TMEM106C: variants seen among roughly 807,000 people sequenced by gnomAD.
TMEM106C encodes transmembrane protein 106C.
A neutral mutation model predicts 30.8 loss-of-function variants in TMEM106C; 27 were observed. That is an observed-to-expected ratio of 0.88 (90% CI 0.65 to 1.21). The LOEUF is 1.21. Ranked by LOEUF, TMEM106C falls within the 50% of genes most tolerant of loss-of-function variation. TMEM106C has a pLI of 0.00. For synonymous variants in TMEM106C, 123 were observed against 118.8 expected (o/e 1.04, Z -0.23); for missense variants, 288 against 307.8 (o/e 0.94, Z 0.48).
intron 3 of TMEM106C, 191 bp from the exon 4 acceptor site, chr12:47,965,647 G>C (rs1452509376): frequency 1.3e-6 from 1 of 760,084 alleles, no homozygotes; most frequent in Non-Finnish European, 2.2e-6. Context: ...TTTCTTCCCA[G>C]AGTGCAAACA....
At position 47,968,262 on chromosome 12, in the gene TMEM106C, T is replaced by C. The variant is rs779244004; in HGVS notation, c.*33T>C. The C allele has an allele frequency of 3.9e-6, 6 of 1,520,470 alleles. No homozygotes were observed. Among genetic ancestry groups the C allele is most frequent in the African/African-American group, 1.4e-5 (1 of 73,070 alleles). 94.2% of individuals were successfully genotyped at this position (1,520,470 alleles called of 1,614,324 possible). ...TATTGGTTCTTCCACACAGCGCCTG[T>C]AGAAGAGAGCACAGCATATGTTCCC... On this transcript the variant is annotated 3_prime_UTR_variant, in exon 8 of 8. Coordinates refer to ENST00000429772, the MANE Select transcript of TMEM106C (RefSeq NM_001143842.2).
chr12:47,965,824 T>A lies in TMEM106C; in HGVS notation c.252-14T>A, dbSNP rs1938199068. On this transcript the variant is annotated splice_polypyrimidine_tract_variant and intron_variant, in intron 3 of 7. Coordinates refer to ENST00000429772, the MANE Select transcript of TMEM106C (RefSeq NM_001143842.2). ...CTGACTGCCTGGGTCGGTCATGTGC[T>A]GTGTCATTTGCAGTAAGCAATATGT... 1.9e-6 allele frequency: 3 copies of A among 1,614,114 alleles called. No individual in the cohort carries two copies. Among genetic ancestry groups the A allele is most frequent in the Non-Finnish European group, 2.5e-6 (3 of 1,179,956 alleles).
chr12:47,965,786 T>G (rs1037165159), intron 3 of TMEM106C, 52 bp from the exon 4 acceptor site: 3 of 1,603,574 alleles, frequency 1.9e-6, no homozygotes, highest in Admixed American at 3.4e-5. Flanking sequence ...CTTGACACAT[T>G]GAACCTTGAT....
intron 2 of TMEM106C, 127 bp downstream of exon 2, chr12:47,964,550 G>A (rs1938157919): frequency 2.4e-6 from 2 of 818,632 alleles, no homozygotes; most frequent in South Asian, 3.2e-5. Context: ...ACAGGAGCCA[G>A]CTCAACTGAC....
intron 5 of TMEM106C, 32 bp downstream of exon 5, chr12:47,966,261 A>G (rs1193169500): frequency 1.2e-6 from 2 of 1,611,578 alleles, no homozygotes; most frequent in South Asian, 2.2e-5. Flanking sequence ...CTTGCCCCAC[A>G]GGCCTAAGAG....
rs369092568 is a variant in TMEM106C, at chr12:47,966,718, G to A, written c.588G>A (p.Pro196=). The A allele has an allele frequency of 9.4e-5, 151 of 1,614,004 alleles. No homozygotes were observed. Among genetic ancestry groups the A allele is most frequent in the Middle Eastern group, 4.9e-4 (3 of 6,082 alleles). Residue 196 remains proline, a synonymous_variant, in exon 6 of 8, where the codon CCG becomes CCA. Transcript: ENST00000429772. ...CCGGGAAGGCCGAGATGGGAGGACC[G>A]TTTTCCTATGTGTAGTAAGGACACT... The part of the protein sequence containing the change: ...NFTGKAEMGG[P]FSYVYFFCTV...
chr12:47,964,698 G>A lies in TMEM106C; in HGVS notation c.187+275G>A, dbSNP rs1279683013. On this transcript the variant is annotated intron_variant, in intron 2 of 7. Transcript: ENST00000429772. ...CTCTGTGTTGTGGGATTTGTTGACA[G>A]GCACATTTCTTTATCGCTGTCACAA... is the stretch of plus-strand genomic sequence containing the variant. 2.0e-5 allele frequency: 9 copies of A among 451,114 alleles called. No homozygotes were observed. The South Asian group carries it at 2.1e-4, about 11-fold the overall frequency. The allele number at this position is 451,114 out of a possible 1,614,324, so 27.9% of individuals were successfully genotyped here.
chr12:47,966,144 C>T lies in TMEM106C; in HGVS notation c.467C>T (p.Ser156Phe), dbSNP rs1938215400. The T allele has an allele frequency of 6.2e-7, 1 of 1,614,186 alleles. No homozygotes were observed. The highest frequency in any genetic ancestry group is 8.5e-7 in the Non-Finnish European group (1 of 1,180,032). ...NFYTVAVTSL[S>F]SQIQYMNTVV... Reference sequence around the variant, plus strand: ...TACACGGTGGCAGTGACCAGCCTGTCCAGCCAGATTCAGTACATGAACACA... The same window carrying T: ...TACACGGTGGCAGTGACCAGCCTGTTCAGCCAGATTCAGTACATGAACACA... Residue 156 changes from serine to phenylalanine, a missense_variant, in exon 5 of 8, where the codon TCC becomes TTC. Ser to Phe is a radical substitution (Grantham distance 155, BLOSUM62 -2). Coordinates refer to ENST00000429772, the MANE Select transcript of TMEM106C (RefSeq NM_001143842.2).
At chr12:47,966,812 G>A in intron 6 of TMEM106C, 80 bp downstream of exon 6, 1 of 1,512,780 alleles carries the variant, frequency 6.6e-7, no homozygotes, top group Non-Finnish European at 9.2e-7. Context: ...TTGGGGCCTG[G>A]TCCTGCCTTA....
chr12:47,968,135 C>T lies in TMEM106C; in HGVS notation c.659C>T (p.Thr220Ile), dbSNP rs767108778. ...LVHNIVIFMR[T>I]SVKISYIGLM... ...CTTCTTGGTTTTCTTTTCCCTAGAA[C>T]TTCAGTGAAGATTTCATACATTGGC... is the stretch of plus-strand genomic sequence containing the variant. Residue 220 changes from threonine to isoleucine, a missense_variant and splice_region_variant, in exon 8 of 8, where the codon ACT becomes ATT. Thr to Ile is a moderately conservative substitution (Grantham distance 89, BLOSUM62 -1). Coordinates refer to ENST00000429772, the MANE Select transcript of TMEM106C (RefSeq NM_001143842.2). 3 of 1,611,270 alleles carry T rather than the reference C, an allele frequency of 1.9e-6. No individual in the cohort carries two copies. The highest frequency in any genetic ancestry group is 2.5e-6 in the Non-Finnish European group (3 of 1,177,396).
chr12:47,963,845 A>G (rs540539235), intron 1 of TMEM106C, 141 bp downstream of exon 1: 4 of 267,034 alleles, frequency 1.5e-5, no homozygotes, highest in East Asian at 1.1e-4. Context: ...CCGGTTATCA[A>G]TTTGGTGCCT....
At chr12:47,964,041 G>A in intron 1 of TMEM106C, 168 bp from the exon 2 acceptor site, 2 of 615,176 alleles carry the variant, frequency 3.3e-6, no homozygotes, top group South Asian at 3.9e-5. Context: ...GAGGAGAGTG[G>A]GTAGCACTAC....
At position 47,968,333 on chromosome 12, in the gene TMEM106C, G is replaced by C. The variant is rs772701706; in HGVS notation, c.*104G>C. Reference sequence around the variant, plus strand: ...ACCCCCACGTGGTGTAAGCAGAGGAGGAATTGGTTCACTTAACTCCCAGCA... The same window carrying C: ...ACCCCCACGTGGTGTAAGCAGAGGACGAATTGGTTCACTTAACTCCCAGCA... On this transcript the variant is annotated 3_prime_UTR_variant, in exon 8 of 8. Coordinates refer to ENST00000429772, the MANE Select transcript of TMEM106C (RefSeq NM_001143842.2). The C allele has an allele frequency of 2.2e-5, 20 of 894,488 alleles. No homozygotes were observed. The highest frequency in any genetic ancestry group is 3.5e-5 in the Non-Finnish European group (19 of 545,942). The allele number at this position is 894,488 out of a possible 1,614,324, so 55.4% of individuals were successfully genotyped here.
chr12:47,964,462 G>A lies in TMEM106C; in HGVS notation c.187+39G>A, dbSNP rs567313283. On this transcript the variant is annotated intron_variant, in intron 2 of 7. Coordinates refer to ENST00000429772, the MANE Select transcript of TMEM106C (RefSeq NM_001143842.2). ...GATGATTCCCTGATGAGAATCCCAAGGTACCCTCGGAGTTCTCCTGTCTGC... is the reference window on the plus strand; with the variant it reads ...GATGATTCCCTGATGAGAATCCCAAAGTACCCTCGGAGTTCTCCTGTCTGC... 157 of 1,602,770 alleles carry A rather than the reference G, an allele frequency of 9.8e-5. 1 individual carries two copies. In the South Asian group the frequency reaches 1.6e-3, roughly 17 times the overall value.
intron 1 of TMEM106C, chr12:47,963,995 CCCT>C: frequency 3.6e-6 from 2 of 549,174 alleles, no homozygotes; most frequent in Non-Finnish European, 6.5e-6. Flanking sequence ...GCCCCGTTCC[CCCT>C]CCCCACCCCC....
In TMEM106C at chr12:47,965,616, A is replaced by C. The variant is rs562050086; in HGVS notation, c.252-222A>C. 5 of 697,352 alleles carry C rather than the reference A, an allele frequency of 7.2e-6. 1 individual carries two copies. The South Asian group carries it at 8.9e-5, about 12-fold the overall frequency. The allele number at this position is 697,352 out of a possible 1,614,324, so 43.2% of individuals were successfully genotyped here. A position where few individuals can be genotyped will look rare whatever the true frequency, so the allele number is the denominator to read the frequency against. On this transcript the variant is annotated intron_variant, in intron 3 of 7. Transcript: ENST00000429772. ...GGGAGGTGTGGGACTGTCTCTGTCC[A>C]CATAGCTCCTTTCTTCAGCTTTTCT...
chr12:47,967,374 C>A, intron 7 of TMEM106C, 113 bp downstream of exon 7: 1 of 1,035,408 alleles, frequency 9.7e-7, no homozygotes, highest in Non-Finnish European at 1.5e-6. Context: ...GAGGGGACAC[C>A]CTGTGCCTCA....
At position 47,965,283 on chromosome 12, in the gene TMEM106C, G is replaced by A; in HGVS notation, c.189G>A (p.Glu63=). Residue 63 remains glutamate, a splice_region_variant and synonymous_variant, in exon 3 of 8, where the codon GAG becomes GAA. Coordinates refer to ENST00000429772, the MANE Select transcript of TMEM106C (RefSeq NM_001143842.2). The part of the protein sequence containing the change: ...TCQGTGYIPT[E]QVNELVALIP... ...AATAATTGTTTGGCTCTTTTCTAGA[G>A]CAAGTAAATGAGTTGGTGGCTTTGA... is the stretch of plus-strand genomic sequence containing the variant. 6.2e-7 allele frequency: 1 copy of A among 1,613,868 alleles called. No individual in the cohort carries two copies. Among genetic ancestry groups the A allele is most frequent in the South Asian group, 1.1e-5 (1 of 91,012 alleles).
rs1938142637 is a variant in TMEM106C, at chr12:47,964,191, T to TC, written c.-28-15dup. The TC allele has an allele frequency of 1.3e-6, 2 of 1,589,680 alleles. No homozygotes were observed. The highest frequency in any genetic ancestry group is 2.7e-5 in the African/African-American group (2 of 74,558). On this transcript the variant is annotated splice_polypyrimidine_tract_variant and intron_variant, in intron 1 of 7. Transcript: ENST00000429772. Reference sequence around the variant, plus strand: ...ATTCACTGGGGCCGCTAACGTGCACTCCCTCTTTTCATCTTAGGACATGAC... The same window carrying TC: ...ATTCACTGGGGCCGCTAACGTGCACTCCCCTCTTTTCATCTTAGGACATGAC...
Sources: gnomAD v4.1 joint callset for allele counts on GRCh38, gnomAD v4.1.1 for gene constraint, MANE v1.5 for transcripts, NCBI Gene and HGNC (gene_info 2026-07-23, HGNC 2026-07-21) for gene names.